Variants in ABI2 observed in about 807,000 individuals in gnomAD.
ABI2 encodes the protein abl interactor 2, also known as abelson interactor 2.
A neutral mutation model predicts 59.2 loss-of-function variants in ABI2; 25 were observed. The observed-to-expected ratio is 0.42, with a 90% CI of 0.31 to 0.59. The LOEUF (loss-of-function observed/expected upper bound fraction) is 0.59. Ranked by LOEUF, ABI2 falls within the 20% of genes least tolerant of loss-of-function variation. ABI2 has a pLI of 0.14. For synonymous variants in ABI2, 213 were observed against 235.5 expected (o/e 0.90, Z 0.87); for missense variants, 545 against 681.8 (o/e 0.80, Z 2.23).
At chr2:203,413,970 G>C (rs1271783621) in intron 10 of ABI2, among the ~76,000 whole-genome samples, 1 of 152,096 alleles carries the variant, frequency 6.6e-6, no homozygotes, top group African/African-American at 2.4e-5. Flanking sequence ...GCTCACCATG[G>C]CTCTTTGGAT....
chr2:203,334,749 C>T (rs1357591474), intron 1 of ABI2, among the ~76,000 whole-genome samples: 2 of 151,974 alleles, frequency 1.3e-5, no homozygotes, highest in African/African-American at 4.8e-5. Context: ...CAACCTCTGC[C>T]TCCTGGGTTC....
intron 4 of ABI2, among the ~76,000 whole-genome samples, chr2:203,386,889 C>T (rs1578514730): frequency 6.6e-6 from 1 of 152,104 alleles, no homozygotes; most frequent in South Asian, 2.1e-4. Flanking sequence ...ATCTGCCCAC[C>T]CTGGCCTCCC....
intron 3 of ABI2, 50 bp from the exon 4 acceptor site, chr2:203,382,139 T>C: frequency 6.7e-7 from 1 of 1,487,112 alleles, no homozygotes; most frequent in Admixed American, 2.2e-5. Flanking sequence ...AACTAACCTT[T>C]CAATGCTTTT....
chr2:203,348,314 A>G (rs1028490120), intron 1 of ABI2, among the ~76,000 whole-genome samples: 2 of 152,160 alleles, frequency 1.3e-5, no homozygotes, highest in African/African-American at 4.8e-5. Flanking sequence ...GTTTATTCCT[A>G]GGGAGTAATA....
chr2:203,349,530 A>T (rs1402077037), intron 1 of ABI2, among the ~76,000 whole-genome samples: 2 of 151,978 alleles, frequency 1.3e-5, no homozygotes, highest in African/African-American at 4.8e-5. Context: ...TCAGCCTCCC[A>T]AGTAGCTGGA....
At chr2:203,390,987 C>T in intron 4 of ABI2, 59 bp from the exon 5 acceptor site, 2 of 1,355,350 alleles carry the variant, frequency 1.5e-6, no homozygotes, top group Non-Finnish European at 2.1e-6. Context: ...CATATTATTT[C>T]CCAAAAGTGC....
intron 11 of ABI2, among the ~76,000 whole-genome samples, chr2:203,423,571 G>A (rs1303839535): frequency 3.3e-5 from 5 of 152,132 alleles, no homozygotes; most frequent in Non-Finnish European, 5.9e-5. Flanking sequence ...GACTACAGGC[G>A]CCGGCCACCA....
intron 2 of ABI2, among the ~76,000 whole-genome samples, chr2:203,371,456 A>C (rs1374711739): frequency 6.6e-6 from 1 of 152,262 alleles, no homozygotes; most frequent in Non-Finnish European, 1.5e-5. Flanking sequence ...ACAATATAGT[A>C]TTAAGTAGTA....
chr2:203,419,401 C>T (rs1231948270), intron 11 of ABI2, among the ~76,000 whole-genome samples: 1 of 136,638 alleles, frequency 7.3e-6, no homozygotes, highest in East Asian at 2.3e-4. Context: ...CAGAGTCTCG[C>T]TCTGTCGCCC....
intron 8 of ABI2, among the ~76,000 whole-genome samples, chr2:203,401,110 C>T (rs1299474397): frequency 6.6e-6 from 1 of 151,928 alleles, no homozygotes. Flanking sequence ...CCTCTACTCT[C>T]CCCTCTTCTC....
chr2:203,338,994 A>T (rs1398541453), intron 1 of ABI2, among the ~76,000 whole-genome samples: 1 of 92,910 alleles, frequency 1.1e-5, no homozygotes, highest in Non-Finnish European at 2.0e-5. Flanking sequence ...ATATATATAT[A>T]TATATATATA....
chr2:203,410,273 A>G (rs2097604365), intron 9 of ABI2, among the ~76,000 whole-genome samples: 1 of 152,244 alleles, frequency 6.6e-6, no homozygotes, highest in Non-Finnish European at 1.5e-5. Context: ...CCTTGAGAGC[A>G]GAGACATGTT....
intron 8 of ABI2, among the ~76,000 whole-genome samples, chr2:203,400,264 T>C (rs998605481): frequency 1.3e-5 from 2 of 152,022 alleles, no homozygotes; most frequent in South Asian, 4.2e-4. Context: ...ATTTTTTGTA[T>C]TTTTAATGGA....
At chr2:203,425,080 T>C (rs973666416) in intron 11 of ABI2, among the ~76,000 whole-genome samples, 2 of 151,274 alleles carry the variant, frequency 1.3e-5, no homozygotes, top group Non-Finnish European at 2.9e-5. Context: ...TTTTGCCATG[T>C]TGCTTAGGCT....
Position 203,379,127 on chromosome 2 carries a change from C to T in ABI2, c.286-1081C>T, listed in dbSNP as rs561083179. ...ATTGTAATTACAATACATTCTTACT[C>T]GTATGTCTTATGTGAGCATTTAATA... On this transcript the variant is annotated intron_variant, in intron 2 of 11. Transcript: ENST00000261018. Among the ~76,000 whole-genome samples the T allele has an allele frequency of 1.6e-4, 25 of 152,212 alleles. 1 individual carries two copies. In the South Asian group the frequency reaches 3.5e-3, roughly 21 times the overall value.
chr2:203,415,574 A>G (rs1463225585), intron 10 of ABI2, among the ~76,000 whole-genome samples: 2 of 141,266 alleles, frequency 1.4e-5, no homozygotes, highest in African/African-American at 5.3e-5. Context: ...CCGAGATCAC[A>G]CCACTGCACT....
intron 2 of ABI2, among the ~76,000 whole-genome samples, chr2:203,379,459 G>T (rs2095954898): frequency 6.6e-6 from 1 of 152,150 alleles, no homozygotes; most frequent in Non-Finnish European, 1.5e-5. Flanking sequence ...GGCTGGTCAT[G>T]AACTCCTGGG....
At chr2:203,336,323 T>C (rs1300352057) in intron 1 of ABI2, among the ~76,000 whole-genome samples, 1 of 152,188 alleles carries the variant, frequency 6.6e-6, no homozygotes. Flanking sequence ...AGGGAAAAGA[T>C]CAACTGTTGT....
intron 4 of ABI2, among the ~76,000 whole-genome samples, chr2:203,385,054 C>T (rs1374476245): frequency 1.3e-5 from 2 of 151,464 alleles, no homozygotes; most frequent in Non-Finnish European, 2.9e-5. Context: ...AGGTTGGTCT[C>T]AAACTCCTGA....
Sources: allele counts gnomAD v4.1 joint callset (sites outside exome capture counted in the v4.1 genomes callset), GRCh38; gene constraint gnomAD v4.1.1; transcripts MANE v1.5; gene names NCBI Gene and HGNC (gene_info 2026-07-23, HGNC 2026-07-21).